CELF4: variants seen among roughly 807,000 people sequenced by gnomAD.
CELF4 encodes the protein CUGBP Elav-like family member 4.
CELF4 carries 18 observed loss-of-function variants against 59.9 expected under a neutral mutation model. That is an observed-to-expected ratio of 0.30 (90% CI 0.21 to 0.45). CELF4 has a LOEUF of 0.45. Among genes scored for constraint, CELF4 ranks in the 20% least tolerant of loss-of-function variants. The pLI is 1.00. For synonymous variants in CELF4, 261 were observed against 267.1 expected (o/e 0.98, Z 0.22); for missense variants, 456 against 689.0 (o/e 0.66, Z 3.79).
chr18:37,541,754 T>G (rs994934131), intron 1 of CELF4, among the ~76,000 whole-genome samples: 1 of 151,904 alleles, frequency 6.6e-6, no homozygotes, highest in African/African-American at 2.4e-5. Context: ...CCTTTGCACC[T>G]GCTGTTCTCT....
intron 2 of CELF4, among the ~76,000 whole-genome samples, chr18:37,453,353 A>G (rs528863327): frequency 5.3e-5 from 8 of 152,192 alleles, no homozygotes; most frequent in South Asian, 2.1e-4. Flanking sequence ...CTTTAGCCCA[A>G]TGCTAATTTT....
chr18:37,351,026 C>A (rs557202383), intron 2 of CELF4, among the ~76,000 whole-genome samples: 3 of 152,220 alleles, frequency 2.0e-5, no homozygotes, highest in Admixed American at 6.5e-5. Context: ...CCACCTCCCC[C>A]CTTCTTTCAG....
Position 37,384,263 on chromosome 18 carries a change from C to G in CELF4, c.370-62382G>C, listed in dbSNP as rs1448065843. On this transcript the variant is annotated intron_variant, in intron 2 of 12. Transcript: ENST00000420428. Reference sequence around the variant, plus strand: ...CTTCCTGAGCTGCTAAATGCTGTCACAAAAACATTTATTAATATGCAAATT... The same window carrying G: ...CTTCCTGAGCTGCTAAATGCTGTCAGAAAAACATTTATTAATATGCAAATT... Among the ~76,000 whole-genome samples the G allele has an allele frequency of 2.0e-5, 3 of 152,250 alleles. No homozygotes were observed. The East Asian group carries it at 5.8e-4, about 29-fold the overall frequency.
At chr18:37,492,768 C>T (rs1468897022) in intron 1 of CELF4, among the ~76,000 whole-genome samples, 1 of 152,136 alleles carries the variant, frequency 6.6e-6, no homozygotes, top group African/African-American at 2.4e-5. Flanking sequence ...TTGGTCTCAC[C>T]TTCTATGGAT....
intron 2 of CELF4, among the ~76,000 whole-genome samples, chr18:37,368,202 C>T (rs1220661116): frequency 6.6e-6 from 1 of 152,144 alleles, no homozygotes; most frequent in African/African-American, 2.4e-5. Context: ...ACTCAGCCTT[C>T]CCCTGCCCCC....
At chr18:37,338,032 C>T (rs1008240548) in intron 2 of CELF4, among the ~76,000 whole-genome samples, 10 of 147,454 alleles carry the variant, frequency 6.8e-5, no homozygotes, top group South Asian at 6.6e-4. Context: ...ACTGTCGCTG[C>T]CACCATCTGT....
chr18:37,551,658 T>A (rs1485914348), intron 1 of CELF4, among the ~76,000 whole-genome samples: 1 of 152,146 alleles, frequency 6.6e-6, no homozygotes, highest in African/African-American at 2.4e-5. Context: ...GTGGGGACAA[T>A]CTGAATGCCT....
intron 2 of CELF4, among the ~76,000 whole-genome samples, chr18:37,439,618 G>A (rs1539845): frequency 6.6e-6 from 1 of 151,802 alleles, no homozygotes; most frequent in East Asian, 1.9e-4. Flanking sequence ...GAGCCCTTGG[G>A]GACCTCCACA....
intron 3 of CELF4, among the ~76,000 whole-genome samples, chr18:37,280,766 G>A (rs2094033694): frequency 6.6e-6 from 1 of 152,226 alleles, no homozygotes; most frequent in Non-Finnish European, 1.5e-5. Flanking sequence ...AGGGGACGCT[G>A]AGGAAGCTTG....
At chr18:37,548,604 A>T (rs1029291958) in intron 1 of CELF4, among the ~76,000 whole-genome samples, 16 of 152,178 alleles carry the variant, frequency 1.1e-4, no homozygotes, top group African/African-American at 3.9e-4. Flanking sequence ...GGGTGCTGAT[A>T]GGGGTGCTGG....
rs1603642402 is a variant in CELF4 at position 37,485,483 on chromosome 18, G to T, written c.369+42C>A. 4.0e-6 allele frequency: 5 copies of T among 1,248,046 alleles called. No homozygotes were observed. In the East Asian group the frequency reaches 1.6e-4, roughly 41 times the overall value. The allele number at this position is 1,248,046 out of a possible 1,614,324, so 77.3% of individuals were successfully genotyped here. ...GCCCGGCCTCCCGAAGTCGCCCCCT[G>T]TCGGCGCGTCGGCCGCTTGCGCCAC... On this transcript the variant is annotated intron_variant, in intron 2 of 12. Transcript: ENST00000420428.
At chr18:37,409,371 G>C (rs867827182) in intron 2 of CELF4, among the ~76,000 whole-genome samples, 3 of 152,252 alleles carry the variant, frequency 2.0e-5, no homozygotes, top group Non-Finnish European at 2.9e-5. Context: ...AGGAATCTTG[G>C]GGGTATTGCA....
chr18:37,317,894 G>T lies in CELF4; in HGVS notation c.448+3909C>A, dbSNP rs187862258. Among the ~76,000 whole-genome samples, 363 of 152,276 alleles carry T rather than the reference G, an allele frequency of 2.4e-3. 1 individual carries two copies. The highest frequency in any genetic ancestry group is 0.02 in the Middle Eastern group (6 of 294). On this transcript the variant is annotated intron_variant, in intron 3 of 12. Transcript: ENST00000420428. ...CTCATGTGTGTGGGTGGATGTGACC[G>T]GGAATGTGTCTAGAGGCCTGAGATG...
intron 2 of CELF4, among the ~76,000 whole-genome samples, chr18:37,395,258 G>T (rs1367612614): frequency 6.6e-6 from 1 of 152,074 alleles, no homozygotes. Context: ...GTCCTGGTGA[G>T]AATGCTTTTT....
chr18:37,296,053 C>A (rs189511376), intron 3 of CELF4, among the ~76,000 whole-genome samples: 12 of 152,354 alleles, frequency 7.9e-5, no homozygotes, highest in African/African-American at 2.9e-4. Context: ...TATCTCCTTC[C>A]TTTCTCCTTG....
At position 37,244,572 on chromosome 18, in the gene CELF4, TTTTG is replaced by T. The variant is rs2061395717; in HGVS notation, c.*666_*669del. 1.3e-5 allele frequency: 2 copies of T among 152,590 alleles called. No homozygotes were observed. Among genetic ancestry groups the T allele is most frequent in the Admixed American group, 1.3e-4 (2 of 15,298 alleles). 9.5% of individuals were successfully genotyped at this position (152,590 alleles called of 1,614,324 possible). Reference sequence around the variant, plus strand: ...TTATTTTTCCTTTTTTTGTTGTTTTTTTTGTTTTTTGTTTTTTTTTTAATTTTTT... The same window carrying T: ...TTATTTTTCCTTTTTTTGTTGTTTTTTTTTTTGTTTTTTTTTTAATTTTTT... On this transcript the variant is annotated 3_prime_UTR_variant, in exon 13 of 13. Transcript: ENST00000420428.
At chr18:37,318,217 T>G (rs2096935316) in intron 3 of CELF4, among the ~76,000 whole-genome samples, 1 of 152,012 alleles carries the variant, frequency 6.6e-6, no homozygotes, top group Non-Finnish European at 1.5e-5. Flanking sequence ...TGCTGGCTTC[T>G]GCTCCCCTCG....
At chr18:37,396,442 T>C (rs746737791) in intron 2 of CELF4, among the ~76,000 whole-genome samples, 1 of 152,204 alleles carries the variant, frequency 6.6e-6, no homozygotes, top group African/African-American at 2.4e-5. Flanking sequence ...TAGATGGGAA[T>C]AGGTTTTCAG....
chr18:37,402,620 C>A (rs35982556), intron 2 of CELF4, among the ~76,000 whole-genome samples: 34 of 152,154 alleles, frequency 2.2e-4, no homozygotes, highest in Non-Finnish European at 4.7e-4. Flanking sequence ...GAGCCAGAGT[C>A]TGAATGTGGA....
Sources: gnomAD v4.1 joint callset for allele counts (sites outside exome capture counted in the v4.1 genomes callset) on GRCh38, gnomAD v4.1.1 for gene constraint, MANE v1.5 for transcripts, NCBI Gene and HGNC (gene_info 2026-07-23, HGNC 2026-07-21) for gene names.